The following CCL25 variants were observed in gnomAD, a reference collection of about 807,000 sequenced individuals.
The protein encoded by CCL25 is C-C motif chemokine ligand 25.
Under a neutral mutation model 19.9 loss-of-function variants are expected in CCL25, and 14 were observed. That is an observed-to-expected ratio of 0.70 (90% CI 0.47 to 1.10). The LOEUF is 1.10. Among genes scored for constraint, CCL25 ranks in the 50% least tolerant of loss-of-function variants. The pLI is 0.00. For synonymous variants in CCL25, 68 were observed against 73.2 expected (o/e 0.93, Z 0.36); for missense variants, 151 against 181.2 (o/e 0.83, Z 0.96).
At chr19:8,053,731 T>C (rs1425983124) in intron 2 of CCL25, among the ~76,000 whole-genome samples, 1 of 151,808 alleles carries the variant, frequency 6.6e-6, no homozygotes, top group East Asian at 1.9e-4. Context: ...TATTTTTTAG[T>C]AGAGATGGGG....
chr19:8,061,451 G>A (rs1161805194), intron 5 of CCL25, among the ~76,000 whole-genome samples: 1 of 152,056 alleles, frequency 6.6e-6, no homozygotes, highest in Non-Finnish European at 1.5e-5. Context: ...AGCCAACCAG[G>A]GAATTTTTTA....
At chr19:8,059,564 C>T (rs867811452) in intron 5 of CCL25, among the ~76,000 whole-genome samples, 3 of 152,012 alleles carry the variant, frequency 2.0e-5, no homozygotes, top group South Asian at 2.1e-4. Context: ...CAAGACTGCC[C>T]CCATTTCAGA....
At chr19:8,054,773 A>G (rs2081257534) in intron 2 of CCL25, among the ~76,000 whole-genome samples, 1 of 150,786 alleles carries the variant, frequency 6.6e-6, no homozygotes. Context: ...TGTGTGTTTC[A>G]TCTCTGCTTG....
intron 2 of CCL25, among the ~76,000 whole-genome samples, chr19:8,055,769 C>T (rs1205405426): frequency 2.0e-5 from 3 of 152,202 alleles, no homozygotes; most frequent in Non-Finnish European, 4.4e-5. Flanking sequence ...CTGTGCTGAG[C>T]TGCCAATCAG....
chr19:8,052,992 G>T lies in CCL25; in HGVS notation c.-50-8G>T. 1 of 1,273,636 alleles carries T rather than the reference G, an allele frequency of 7.9e-7. No individual in the cohort carries two copies. Among genetic ancestry groups the T allele is most frequent in the East Asian group, 2.5e-5 (1 of 39,366 alleles). The allele number at this position is 1,273,636 out of a possible 1,614,324, so 78.9% of individuals were successfully genotyped here. On this transcript the variant is annotated splice_region_variant and splice_polypyrimidine_tract_variant and intron_variant, in intron 1 of 5. Coordinates refer to ENST00000315626, the MANE Select transcript of CCL25 (RefSeq NM_005624.4). ...CTCAGTCCTTACCACTTCCCTCCAC[G>T]ACCCCAGGTGGCCCCGTTATTCGTC...
intron 2 of CCL25, among the ~76,000 whole-genome samples, chr19:8,054,279 G>T (rs1178273044): frequency 6.6e-6 from 1 of 152,246 alleles, no homozygotes; most frequent in Non-Finnish European, 1.5e-5. Flanking sequence ...CTGGGAAGGG[G>T]GTTGGGCTGT....
At chr19:8,056,856 A>G (rs1182539141) in intron 4 of CCL25, among the ~76,000 whole-genome samples, 1 of 151,754 alleles carries the variant, frequency 6.6e-6, no homozygotes, top group Non-Finnish European at 1.5e-5. Flanking sequence ...TTTTATTATT[A>G]TTTTGAGACA....
chr19:8,053,303 A>T (rs957796568), intron 2 of CCL25, among the ~76,000 whole-genome samples, 181 bp downstream of exon 2: 1 of 152,076 alleles, frequency 6.6e-6, no homozygotes, highest in Non-Finnish European at 1.5e-5. Flanking sequence ...GGGGAGATGG[A>T]GAGTCCCCAG....
At position 8,062,276 on chromosome 19, in the gene CCL25, C is replaced by T. The variant is rs376037041; in HGVS notation, c.*51C>T. The T allele has an allele frequency of 2.4e-5, 38 of 1,608,610 alleles. No homozygotes were observed. The highest frequency in any genetic ancestry group is 8.8e-5 in the South Asian group (8 of 90,926). On this transcript the variant is annotated 3_prime_UTR_variant, in exon 6 of 6. Transcript: ENST00000315626. ...GCACAGGAGGGGCCGGATCTTTCTCCGATAAAACCGTCGCCCTACAGACCC... is the reference window on the plus strand; with the variant it reads ...GCACAGGAGGGGCCGGATCTTTCTCTGATAAAACCGTCGCCCTACAGACCC...
intron 3 of CCL25, 33 bp downstream of exon 3, chr19:8,056,302 G>GGGGGGGGGGGGGCC: frequency 1.7e-6 from 1 of 593,420 alleles, no homozygotes; most frequent in Non-Finnish European, 3.2e-6. Flanking sequence ...GGGGGGTGGG[G>GGGGGGGGGGGGGCC]TGCACACACA....
At position 8,062,396 on chromosome 19, in the gene CCL25, G is replaced by T; in HGVS notation, c.*171G>T. 1.5e-6 allele frequency: 1 copy of T among 665,638 alleles called. No homozygotes were observed. 41.2% of individuals were successfully genotyped at this position (665,638 alleles called of 1,614,324 possible). On this transcript the variant is annotated 3_prime_UTR_variant, in exon 6 of 6. Transcript: ENST00000315626. The stretch of plus-strand genomic sequence containing the variant: ...ACCCCCACCACCTCCTGCCCGTCTG[G>T]CAACTGGAAAGAGGGAGTTGGCCTG...
rs960173 is a variant in CCL25, at chr19:8,053,116, A to G, written c.67A>G (p.Thr23Ala). 35,880 of 1,553,468 alleles carry G rather than the reference A, an allele frequency of 0.023. 492 individuals are homozygous for G. Among genetic ancestry groups the G allele is most frequent in the Middle Eastern group, 0.032 (188 of 5,968 alleles). The change falls in exon 2 of 6, where the codon ACC becomes GCC. Residue 23 changes from threonine to alanine, a missense_variant. Transcript: ENST00000315626. ...GGGAGCCTGGGCCCCCGCTGTCCAC[A>G]CCCAAGGTACTGTGTTCGGCAATGC... ...FLGAWAPAVH[T>A]QGVFEDCCLA... is the part of the protein sequence containing the mutation.
At chr19:8,056,036 C>A (rs1209970457) in intron 2 of CCL25, 116 bp from the exon 3 acceptor site, 3 of 673,636 alleles carry the variant, frequency 4.5e-6, no homozygotes, top group African/African-American at 1.8e-5. Flanking sequence ...CTCTGCCGGG[C>A]CTGGAAGGGT....
intron 5 of CCL25, among the ~76,000 whole-genome samples, chr19:8,058,191 C>A (rs1174255033): frequency 1.3e-5 from 2 of 150,912 alleles, no homozygotes; most frequent in African/African-American, 2.4e-5. Flanking sequence ...AATTCTCCAG[C>A]AGGGACCGGG....
chr19:8,056,686 T>C (rs1374668539), intron 4 of CCL25, among the ~76,000 whole-genome samples, 187 bp downstream of exon 4: 2 of 152,164 alleles, frequency 1.3e-5, no homozygotes, highest in African/African-American at 4.8e-5. Context: ...CATTGTCCAG[T>C]TTTTGTTTCT....
In CCL25 at chr19:8,052,802, C is replaced by G. The variant is rs1221004760; in HGVS notation, c.-71C>G. 1 of 470,234 alleles carries G rather than the reference C, an allele frequency of 2.1e-6. No homozygotes were observed. Among genetic ancestry groups the G allele is most frequent in the East Asian group, 3.3e-5 (1 of 30,160 alleles). 29.1% of individuals were successfully genotyped at this position (470,234 alleles called of 1,614,324 possible). A position where few individuals can be genotyped will look rare whatever the true frequency, so the allele number is the denominator to read the frequency against. ...GCCTACAGCCCGGCGGGCATCAGCTCCCTTGACCCAGTGGATATCGGTGAG... is the reference window on the plus strand; with the variant it reads ...GCCTACAGCCCGGCGGGCATCAGCTGCCTTGACCCAGTGGATATCGGTGAG... On this transcript the variant is annotated 5_prime_UTR_variant, in exon 1 of 6. Coordinates refer to ENST00000315626, the MANE Select transcript of CCL25 (RefSeq NM_005624.4).
Position 8,053,134 on chromosome 19 carries a change from G to A in CCL25, c.73+12G>A, listed in dbSNP as rs377692731. On this transcript the variant is annotated intron_variant, in intron 2 of 5. Coordinates refer to ENST00000315626, the MANE Select transcript of CCL25 (RefSeq NM_005624.4). Reference sequence around the variant, plus strand: ...TGTCCACACCCAAGGTACTGTGTTCGGCAATGCCTACCACCAAGTGCCCCT... The same window carrying A: ...TGTCCACACCCAAGGTACTGTGTTCAGCAATGCCTACCACCAAGTGCCCCT... 2.2e-4 allele frequency: 334 copies of A among 1,536,926 alleles called. No homozygotes were observed. The African/African-American group carries it at 3.0e-3, about 14-fold the overall frequency.
At position 8,056,321 on chromosome 19, in the gene CCL25, G is replaced by T. The variant is rs748796165; in HGVS notation, c.192-45G>T. Reference sequence around the variant, plus strand: ...GGTGGGGTGCACACACAGCCTTGCTGCCAGCCTACACCCTAACCTGGGCAC... The same window carrying T: ...GGTGGGGTGCACACACAGCCTTGCTTCCAGCCTACACCCTAACCTGGGCAC... On this transcript the variant is annotated intron_variant, in intron 3 of 5. Coordinates refer to ENST00000315626, the MANE Select transcript of CCL25 (RefSeq NM_005624.4). 4 of 1,608,206 alleles carry T rather than the reference G, an allele frequency of 2.5e-6. No homozygotes were observed. The Middle Eastern group carries it at 5.0e-4, about 202-fold the overall frequency.
intron 2 of CCL25, among the ~76,000 whole-genome samples, chr19:8,055,430 G>A (rs903141659): frequency 5.3e-5 from 8 of 150,482 alleles, no homozygotes; most frequent in African/African-American, 1.7e-4. Flanking sequence ...CTGCCTCCCG[G>A]GTTCACGCCA....
Sources: allele counts gnomAD v4.1 joint callset (sites outside exome capture counted in the v4.1 genomes callset), GRCh38; gene constraint gnomAD v4.1.1; transcripts MANE v1.5; gene names NCBI Gene and HGNC (gene_info 2026-07-23, HGNC 2026-07-21).